HK1: variants seen among roughly 807,000 people sequenced by gnomAD.
HK1 encodes hexokinase 1.
HK1 carries 28 observed loss-of-function variants against 91.6 expected under a neutral mutation model. The observed-to-expected ratio is 0.31, with a 90% CI of 0.23 to 0.42. The LOEUF (loss-of-function observed/expected upper bound fraction) is 0.42. Among genes scored for constraint, HK1 ranks in the 10% least tolerant of loss-of-function variants. HK1 has a pLI of 1.00. For missense variants in HK1, 770 were observed against 1,219.8 expected (o/e 0.63, Z 5.49); for synonymous variants, 430 against 468.1 (o/e 0.92, Z 1.05).
chr10:69,307,075 C>T (rs765339015), intron 5 of HK1, among the ~76,000 whole-genome samples: 5 of 152,136 alleles, frequency 3.3e-5, no homozygotes, highest in Non-Finnish European at 5.9e-5. Context: ...TACTGAGTTT[C>T]GGGTGCCCAT....
chr10:69,288,149 G>C (rs1031804006), intron 2 of HK1, among the ~76,000 whole-genome samples: 2 of 152,136 alleles, frequency 1.3e-5, no homozygotes, highest in Non-Finnish European at 2.9e-5. Context: ...CTGAGACTCT[G>C]ACTTGGCCTT....
intron 9 of HK1, among the ~76,000 whole-genome samples, chr10:69,381,106 C>A (rs963528094): frequency 6.6e-6 from 1 of 151,978 alleles, no homozygotes; most frequent in Admixed American, 6.6e-5. Context: ...AGTTCGAGAC[C>A]AGCCTGGGCA....
At chr10:69,287,704 A>T (rs534358508) in intron 2 of HK1, among the ~76,000 whole-genome samples, 1 of 152,300 alleles carries the variant, frequency 6.6e-6, no homozygotes, top group South Asian at 2.1e-4. Context: ...CCTTATGAAT[A>T]TACAGAAAAC....
intron 8 of HK1, 46 bp downstream of exon 8, chr10:69,377,135 A>G: frequency 6.2e-7 from 1 of 1,609,782 alleles, no homozygotes; most frequent in Non-Finnish European, 8.5e-7. Flanking sequence ...TGGGGCAGAG[A>G]AGAGCAATTG....
chr10:69,276,116 AAAATACAT>A (rs1589427777), intron 1 of HK1, among the ~76,000 whole-genome samples: 1 of 42,558 alleles, frequency 2.3e-5, no homozygotes, highest in African/African-American at 7.1e-5. Flanking sequence ...AAAAAAAAAA[AAAATACAT>A]ATATATATAT....
intron 7 of HK1, among the ~76,000 whole-genome samples, chr10:69,373,370 C>A (rs1257511350): frequency 6.6e-6 from 1 of 152,150 alleles, no homozygotes; most frequent in Non-Finnish European, 1.5e-5. Flanking sequence ...GTAGTTACTG[C>A]ATTTGGGAGG....
At chr10:69,340,230 A>G (rs6480403) in intron 1 of HK1, among the ~76,000 whole-genome samples, 67,759 of 152,038 alleles carry the variant, frequency 0.45, 16,011 homozygotes, top group African/African-American at 0.58. Context: ...GTAGCAATGT[A>G]CCTTTTTTAA....
chr10:69,344,067 A>G (rs1191451729), intron 2 of HK1, 78 bp downstream of exon 2: 24 of 1,432,476 alleles, frequency 1.7e-5, no homozygotes, highest in East Asian at 2.3e-5. Context: ...ATTTGTTCAT[A>G]CATTTGCTCA....
At chr10:69,318,076 CCGCCCAGAGGGAGTG>C (rs966941437), upstream of HK1, 13 of 985,328 alleles carry the variant, frequency 1.3e-5, no homozygotes, top group Middle Eastern at 5.2e-4. Context: ...GGCCCAAGTC[CCGCCCAGAGGGAGTG>C]CGCCCTGAGG....
At chr10:69,342,329 G>C (rs533521849) in intron 1 of HK1, among the ~76,000 whole-genome samples, 1 of 152,224 alleles carries the variant, frequency 6.6e-6, no homozygotes, top group Non-Finnish European at 1.5e-5. Context: ...CGCATGGAAA[G>C]CTGGGATCCA....
In HK1 at chr10:69,369,011, C is replaced by T. The variant is rs1849855250; in HGVS notation, c.592-226C>T. Among the ~76,000 whole-genome samples, 1 of 152,190 alleles carries T rather than the reference C, an allele frequency of 6.6e-6. No individual in the cohort carries two copies. The highest frequency in any genetic ancestry group is 2.1e-4 in the South Asian group (1 of 4,830). On this transcript the variant is annotated intron_variant, in intron 5 of 17. Coordinates refer to ENST00000359426, the MANE Select transcript of HK1 (RefSeq NM_000188.3). The surrounding 1 kb of genome is among the most constrained non-coding windows in gnomAD (Gnocchi z 4.4). ...TGTAGCTCCATGAGTAAAATCCCCA[C>T]TACCCAAAGACTCTTAAGCCAGGTA...
intron 1 of HK1, among the ~76,000 whole-genome samples, chr10:69,273,941 T>C (rs2394538): frequency 0.29 from 43,988 of 152,064 alleles, 7,343 homozygotes; most frequent in East Asian, 0.56. Context: ...GTAGGACTGT[T>C]TGTGTTGTCT....
chr10:69,379,517 C>A (rs1839280070), intron 8 of HK1, among the ~76,000 whole-genome samples: 1 of 152,230 alleles, frequency 6.6e-6, no homozygotes, highest in African/African-American at 2.4e-5. Context: ...AACTCACAGA[C>A]CCCACGAGTG....
chr10:69,391,650 GA>G (rs1267327258), intron 14 of HK1, among the ~76,000 whole-genome samples: 1 of 152,042 alleles, frequency 6.6e-6, no homozygotes, highest in Non-Finnish European at 1.5e-5. Flanking sequence ...TTGAAGAAAA[GA>G]AAAAGAAAAT....
At chr10:69,368,821 T>C (rs11595655) in intron 5 of HK1, among the ~76,000 whole-genome samples, 190 bp downstream of exon 5, 10,628 of 151,942 alleles carry the variant, frequency 0.07, 618 homozygotes, top group African/African-American at 0.15. Context: ...CTCTCGGAGG[T>C]GCTGCCTGGA....
intron 1 of HK1, among the ~76,000 whole-genome samples, chr10:69,280,762 T>C (rs766613105): frequency 6.6e-6 from 1 of 152,206 alleles, no homozygotes; most frequent in Non-Finnish European, 1.5e-5. Context: ...CTGTGAAACA[T>C]ACATTTCCAT....
upstream of HK1, among the ~76,000 whole-genome samples, chr10:69,311,931 G>A (rs970464265): frequency 6.6e-6 from 1 of 152,014 alleles, no homozygotes. Flanking sequence ...CACCGCGCTC[G>A]GCCCAAGCTA....
rs540686853 is a variant in HK1 at position 69,279,756 on chromosome 10, T to C, written c.-390-2773T>C. On this transcript the variant is annotated intron_variant, in intron 1 of 21. Coordinates refer to the HK1 transcript ENST00000360289. ...TGAGAGGTGTCTGTGACCTAGGATA[T>C]TGGAGGCCTGGGTCACAGTTAGGAA... 3.3e-5 allele frequency among the ~76,000 whole-genome samples: 5 copies of C among 152,284 alleles called. 1 individual carries two copies. Among genetic ancestry groups the C allele is most frequent in the Admixed American group, 3.3e-4 (5 of 15,288 alleles).
intron 3 of HK1, among the ~76,000 whole-genome samples, chr10:69,364,265 G>A (rs1197419822): frequency 6.6e-6 from 1 of 152,160 alleles, no homozygotes; most frequent in African/African-American, 2.4e-5. Flanking sequence ...GTACTTTTTG[G>A]GGTATGCATA....
Sources: gnomAD v4.1 joint callset for allele counts (sites outside exome capture counted in the v4.1 genomes callset) on GRCh38, gnomAD v4.1.1 for gene constraint, Gnocchi (gnomAD v3.1) non-coding constraint, MANE v1.5 for transcripts, NCBI Gene and HGNC (gene_info 2026-07-23, HGNC 2026-07-21) for gene names.